ATP2B2: variants seen among roughly 807,000 people sequenced by gnomAD.
ATP2B2 encodes plasma membrane calcium-transporting ATPase 2.
In ATP2B2, 15 loss-of-function variants were observed where a neutral mutation model predicts 120.0. The ratio of observed to expected loss-of-function variants is 0.12; its 90% CI spans 0.08 to 0.19. The LOEUF (loss-of-function observed/expected upper bound fraction) is 0.19, where lower values mean the gene tolerates loss of function less well. Ranked by LOEUF, ATP2B2 falls within the 10% of genes least tolerant of loss-of-function variation. ATP2B2 has a pLI of 1.00. For synonymous variants in ATP2B2, 694 were observed against 700.3 expected (o/e 0.99, Z 0.14); for missense variants, 1,045 against 1,719.8 (o/e 0.61, Z 6.94).
chr3:10,345,929 TG>T, intron 17 of ATP2B2, 101 bp downstream of exon 17: 1 of 1,209,226 alleles, frequency 8.3e-7, no homozygotes, highest in Non-Finnish European at 1.2e-6. Context: ...AGATGGCGGG[TG>T]GGCCAAGTGT....
intron 1 of ATP2B2, among the ~76,000 whole-genome samples, chr3:10,454,896 T>C (rs919604603): frequency 1.3e-4 from 20 of 152,146 alleles, no homozygotes; most frequent in African/African-American, 4.8e-4. Flanking sequence ...CCTGACCACC[T>C]AGACTGCATA....
chr3:10,381,142 T>A (rs1242736770), intron 8 of ATP2B2, among the ~76,000 whole-genome samples: 2 of 152,164 alleles, frequency 1.3e-5, no homozygotes, highest in African/African-American at 2.4e-5. Context: ...CCCAGCACTG[T>A]CTGTTCAAGG....
intron 2 of ATP2B2, among the ~76,000 whole-genome samples, chr3:10,419,429 CTAA>C (rs1371046210): frequency 1.3e-5 from 2 of 152,190 alleles, no homozygotes; most frequent in African/African-American, 4.8e-5. Context: ...CCGTACACCA[CTAA>C]TGTTACTCTG....
chr3:10,412,643 G>C (rs1022087710), intron 2 of ATP2B2, among the ~76,000 whole-genome samples: 12 of 152,122 alleles, frequency 7.9e-5, no homozygotes, highest in Non-Finnish European at 1.5e-5. Flanking sequence ...AGTCTTCCCC[G>C]CAGCAGGCTT....
intron 1 of ATP2B2, among the ~76,000 whole-genome samples, chr3:10,476,989 G>C (rs2065229281): frequency 6.6e-6 from 1 of 152,230 alleles, no homozygotes; most frequent in Admixed American, 6.5e-5. Context: ...GCCACTCAAA[G>C]TCACTTAGTC....
intron 1 of ATP2B2, among the ~76,000 whole-genome samples, chr3:10,502,959 G>A (rs369138400): frequency 7.9e-5 from 12 of 152,296 alleles, no homozygotes; most frequent in South Asian, 2.1e-4. Context: ...TAGATACAGC[G>A]TCCTCATCTG....
intron 1 of ATP2B2, among the ~76,000 whole-genome samples, chr3:10,496,906 C>T (rs911888111): frequency 4.6e-5 from 7 of 152,364 alleles, no homozygotes; most frequent in Admixed American, 2.6e-4. Context: ...ACTTTGTGGC[C>T]CTAGCCTGTC....
chr3:10,553,446 C>T (rs1202652246), intron 2 of ATP2B2, among the ~76,000 whole-genome samples: 1 of 152,006 alleles, frequency 6.6e-6, no homozygotes, highest in Non-Finnish European at 1.5e-5. Flanking sequence ...CTGGAAGTGG[C>T]CTTTTAGAGG....
At chr3:10,447,308 C>T (rs561296910) in intron 2 of ATP2B2, among the ~76,000 whole-genome samples, 9 of 152,346 alleles carry the variant, frequency 5.9e-5, no homozygotes, top group African/African-American at 2.4e-5. Context: ...CAGTACAGAG[C>T]GGGCTCCCAG....
At chr3:10,356,814 G>A (rs780039598) in intron 14 of ATP2B2, among the ~76,000 whole-genome samples, 3 of 152,210 alleles carry the variant, frequency 2.0e-5, no homozygotes, top group Admixed American at 6.5e-5. Context: ...GCTGATAAAC[G>A]GCCTGTCTGT....
intron 1 of ATP2B2, among the ~76,000 whole-genome samples, chr3:10,497,705 T>C (rs1362972880): frequency 6.6e-6 from 1 of 152,222 alleles, no homozygotes; most frequent in African/African-American, 2.4e-5. Flanking sequence ...CCAGAGTCTA[T>C]GCTTTAAATT....
At chr3:10,485,977 C>T (rs1050797374) in intron 1 of ATP2B2, among the ~76,000 whole-genome samples, 4 of 152,100 alleles carry the variant, frequency 2.6e-5, no homozygotes, top group South Asian at 2.1e-4. Context: ...AGCGCCATTG[C>T]GACATGGGGC....
chr3:10,379,638 C>T (rs2061476264), intron 8 of ATP2B2, among the ~76,000 whole-genome samples: 1 of 152,218 alleles, frequency 6.6e-6, no homozygotes, highest in Non-Finnish European at 1.5e-5. Flanking sequence ...CACTCAGGCC[C>T]CCACACCAAG....
chr3:10,447,260 A>G (rs1351669367), intron 2 of ATP2B2, among the ~76,000 whole-genome samples: 5 of 152,230 alleles, frequency 3.3e-5, no homozygotes, highest in Non-Finnish European at 7.3e-5. Context: ...GAGAGAGCAG[A>G]TAGGGTTCCT....
At chr3:10,590,304 T>A (rs1021895924) in intron 2 of ATP2B2, among the ~76,000 whole-genome samples, 1 of 152,028 alleles carries the variant, frequency 6.6e-6, no homozygotes, top group Non-Finnish European at 1.5e-5. Flanking sequence ...AGGGGTAAAT[T>A]TGGGGGGTAA....
intron 1 of ATP2B2, among the ~76,000 whole-genome samples, chr3:10,693,793 C>T (rs1022406864): frequency 6.6e-6 from 1 of 152,196 alleles, no homozygotes; most frequent in East Asian, 1.9e-4. Flanking sequence ...CACTGCCTGG[C>T]ACATAGTAGG....
At chr3:10,371,755 G>C (rs971517908) in intron 12 of ATP2B2, 54 bp downstream of exon 12, 1 of 1,613,418 alleles carries the variant, frequency 6.2e-7, no homozygotes, top group African/African-American at 1.3e-5. Flanking sequence ...CAGTACCTCT[G>C]TACCATCCCA....
intron 1 of ATP2B2, among the ~76,000 whole-genome samples, chr3:10,699,048 C>T (rs1251224667): frequency 6.6e-6 from 1 of 152,230 alleles, no homozygotes; most frequent in Non-Finnish European, 1.5e-5. Flanking sequence ...ATCCTGGTTC[C>T]CTCCGGCCTT....
At chr3:10,537,266 G>A (rs1029661370) in intron 2 of ATP2B2, among the ~76,000 whole-genome samples, 27 of 152,128 alleles carry the variant, frequency 1.8e-4, no homozygotes, top group African/African-American at 6.5e-4. Context: ...TGATTTTTCT[G>A]AGATTTTGAT....
Sources: allele counts gnomAD v4.1 joint callset (sites outside exome capture counted in the v4.1 genomes callset), GRCh38; gene constraint gnomAD v4.1.1; transcripts MANE v1.5; gene names NCBI Gene and HGNC (gene_info 2026-07-23, HGNC 2026-07-21).